The following AGO2 variants were observed in gnomAD, a reference collection of about 807,000 sequenced individuals.
AGO2 encodes protein argonaute-2.
Under a neutral mutation model 102.3 loss-of-function variants are expected in AGO2, and 5 were observed. The ratio of observed to expected loss-of-function variants is 0.05; its 90% CI spans 0.03 to 0.10. AGO2 has a LOEUF of 0.10. Among genes scored for constraint, AGO2 ranks in the 10% least tolerant of loss-of-function variants. The pLI, the probability that AGO2 is intolerant of heterozygous loss-of-function variation, is 1.00. For synonymous variants in AGO2, 449 were observed against 473.1 expected (o/e 0.95, Z 0.66); for missense variants, 541 against 1,183.7 (o/e 0.46, Z 7.97).
At chr8:140,615,911 A>C (rs542174570) in intron 1 of AGO2, among the ~76,000 whole-genome samples, 2 of 152,254 alleles carry the variant, frequency 1.3e-5, no homozygotes, top group Non-Finnish European at 2.9e-5. Context: ...CTGCAAAGTC[A>C]CTTAAAAGAA....
At chr8:140,561,134 A>G (rs1167648001) in intron 4 of AGO2, among the ~76,000 whole-genome samples, 18 of 152,186 alleles carry the variant, frequency 1.2e-4, no homozygotes, top group Non-Finnish European at 1.5e-5. Context: ...TGCTGCGCTG[A>G]CCCGGCTGGA....
chr8:140,607,249 A>T (rs1482666739), intron 1 of AGO2, among the ~76,000 whole-genome samples: 2 of 145,620 alleles, frequency 1.4e-5, no homozygotes, highest in Admixed American at 6.8e-5. Flanking sequence ...AACTCCATTT[A>T]AAAAAAAAAA....
rs1372138622 is a variant in AGO2, at chr8:140,524,260, C to T, written c.*7784G>A. ...TTTTTTAAAAAATCTACTTCCATTA[C>T]AATAAATATTCTTCTCGAGTGACTA... is the stretch of plus-strand genomic sequence containing the variant. On this transcript the variant is annotated 3_prime_UTR_variant, in exon 19 of 19. Transcript: ENST00000220592. 2 of 152,204 alleles carry T rather than the reference C, an allele frequency of 1.3e-5. No homozygotes were observed. The highest frequency in any genetic ancestry group is 2.9e-5 in the Non-Finnish European group (2 of 68,058). The allele number at this position is 152,204 out of a possible 1,614,324, so 9.4% of individuals were successfully genotyped here.
intron 14 of AGO2, 104 bp downstream of exon 14, chr8:140,544,109 C>A: frequency 7.8e-7 from 1 of 1,275,272 alleles, no homozygotes. Context: ...TAGTGAGACC[C>A]CATGCCTTTC....
chr8:140,586,541 G>A (rs1430913825), intron 1 of AGO2, among the ~76,000 whole-genome samples: 1 of 152,144 alleles, frequency 6.6e-6, no homozygotes, highest in Non-Finnish European at 1.5e-5. Flanking sequence ...CACCCATGCT[G>A]CCACCAGGGA....
At position 140,524,901 on chromosome 8, in the gene AGO2, C is replaced by T. The variant is rs2072474278; in HGVS notation, c.*7143G>A. 6.6e-6 allele frequency: 1 copy of T among 152,260 alleles called. No homozygotes were observed. Among genetic ancestry groups the T allele is most frequent in the East Asian group, 1.9e-4 (1 of 5,200 alleles). 9.4% of individuals were successfully genotyped at this position (152,260 alleles called of 1,614,324 possible). A position where few individuals can be genotyped will look rare whatever the true frequency, so the allele number is the denominator to read the frequency against. On this transcript the variant is annotated 3_prime_UTR_variant, in exon 19 of 19. Transcript: ENST00000220592. ...AAGGACCTTGGAGCTACAGAAAGAA[C>T]TGAATAAGAATGGCCCCAACGTCCA...
At chr8:140,584,275 C>T (rs538594400) in intron 2 of AGO2, among the ~76,000 whole-genome samples, 1 of 152,110 alleles carries the variant, frequency 6.6e-6, no homozygotes, top group East Asian at 1.9e-4. Context: ...TGAAAATTAA[C>T]CACAATGAGA....
Position 140,601,382 on chromosome 8 carries a change from G to C in AGO2, c.23-16071C>G, listed in dbSNP as rs904976078. Among the ~76,000 whole-genome samples the C allele has an allele frequency of 2.6e-5, 4 of 152,142 alleles. No individual in the cohort carries two copies. In the East Asian group the frequency reaches 5.8e-4, roughly 22 times the overall value. ...CCAGCACCCCCCCGCCGCTGTGCTC[G>C]CCTCAACAGCGCTTGCCACCTGGCA... On this transcript the variant is annotated intron_variant, in intron 1 of 18. Transcript: ENST00000220592.
intron 1 of AGO2, among the ~76,000 whole-genome samples, chr8:140,626,195 G>C (rs1342924920): frequency 6.6e-6 from 1 of 152,202 alleles, no homozygotes; most frequent in African/African-American, 2.4e-5. Context: ...AGCTGTCGGG[G>C]TCCGGCGCAC....
chr8:140,609,236 A>G (rs963044900), intron 1 of AGO2, among the ~76,000 whole-genome samples: 1 of 152,258 alleles, frequency 6.6e-6, no homozygotes, highest in Non-Finnish European at 1.5e-5. Flanking sequence ...GCAAAGTTCC[A>G]TAAGAAACCC....
chr8:140,537,189 C>A (rs971669949), intron 16 of AGO2, among the ~76,000 whole-genome samples: 3 of 152,026 alleles, frequency 2.0e-5, no homozygotes, highest in Non-Finnish European at 4.4e-5. Flanking sequence ...TGGAAAGCTC[C>A]CGAGACTTCC....
intron 18 of AGO2, 64 bp downstream of exon 18, chr8:140,532,352 C>A: frequency 6.5e-7 from 1 of 1,538,564 alleles, no homozygotes; most frequent in Non-Finnish European, 8.8e-7. Context: ...TCCAGAAAAG[C>A]AGCTGCCAAT....
intron 1 of AGO2, among the ~76,000 whole-genome samples, chr8:140,606,959 A>G (rs1052518279): frequency 2.8e-5 from 4 of 144,822 alleles, no homozygotes; most frequent in African/African-American, 1.0e-4. Context: ...AATAAATTCT[A>G]TAATTTAAGG....
At chr8:140,634,369 C>T (rs1267278346) in intron 1 of AGO2, among the ~76,000 whole-genome samples, 2 of 152,272 alleles carry the variant, frequency 1.3e-5, no homozygotes, top group Non-Finnish European at 2.9e-5. Context: ...GAATGCGAGC[C>T]TCCTCGCCCG....
chr8:140,626,161 G>A (rs796502135), intron 1 of AGO2, among the ~76,000 whole-genome samples: 6 of 152,128 alleles, frequency 3.9e-5, no homozygotes, highest in South Asian at 4.1e-4. Flanking sequence ...TCCTGTCTAC[G>A]AGCGGGCAAG....
chr8:140,626,035 T>G (rs1170653045), intron 1 of AGO2, among the ~76,000 whole-genome samples: 2 of 152,208 alleles, frequency 1.3e-5, no homozygotes, highest in Admixed American at 1.3e-4. Flanking sequence ...CAGTCACCAA[T>G]AGGGCCACTC....
At position 140,530,921 on chromosome 8, in the gene AGO2, C is replaced by G. The variant is rs1238931299; in HGVS notation, c.*1123G>C. 1 of 152,376 alleles carries G rather than the reference C, an allele frequency of 6.6e-6. No homozygotes were observed. The highest frequency in any genetic ancestry group is 2.4e-5 in the African/African-American group (1 of 41,464). 9.4% of individuals were successfully genotyped at this position (152,376 alleles called of 1,614,324 possible). The stretch of plus-strand genomic sequence containing the variant: ...TGAGTGACACACGGGGATGAGGCGG[C>G]AGGGAGGGTGGCGAGCGGCGCGGAG... On this transcript the variant is annotated 3_prime_UTR_variant, in exon 19 of 19. Transcript: ENST00000220592.
chr8:140,635,305 G>A (rs1166387296), intron 1 of AGO2, among the ~76,000 whole-genome samples, 180 bp downstream of exon 1: 2 of 145,964 alleles, frequency 1.4e-5, no homozygotes, highest in Non-Finnish European at 3.0e-5. Context: ...CGGCCGGCTC[G>A]GCCCCGCCGC....
intron 1 of AGO2, among the ~76,000 whole-genome samples, chr8:140,612,812 C>T (rs543747896): frequency 1.9e-4 from 29 of 152,100 alleles, no homozygotes; most frequent in African/African-American, 7.0e-4. Context: ...GCAACAAATA[C>T]CCATAATTAT....
Sources: allele counts gnomAD v4.1 joint callset (sites outside exome capture counted in the v4.1 genomes callset), GRCh38; gene constraint gnomAD v4.1.1; transcripts MANE v1.5; gene names NCBI Gene and HGNC (gene_info 2026-07-23, HGNC 2026-07-21).